The following ADAM18 variants were observed in gnomAD, a reference collection of about 807,000 sequenced individuals.
ADAM18 encodes the protein ADAM metallopeptidase domain 18, also known as disintegrin and metalloproteinase domain-containing protein 18.
Under a neutral mutation model 94.4 loss-of-function variants are expected in ADAM18, and 117 were observed. That is an observed-to-expected ratio of 1.24 (90% CI 1.07 to 1.45). The LOEUF (loss-of-function observed/expected upper bound fraction) is 1.45. Among genes scored for constraint, ADAM18 ranks in the 40% most tolerant of loss-of-function variants. ADAM18 has a pLI of 0.00. For missense variants in ADAM18, 936 were observed against 880.0 expected, an observed-to-expected ratio of 1.06 and a Z score of -0.81; for synonymous variants, 327 against 291.6, an observed-to-expected ratio of 1.12 and a Z score of -1.24.
chr8:39,701,094 G>A (rs1822059801), intron 17 of ADAM18, among the ~76,000 whole-genome samples: 1 of 97,948 alleles, frequency 1.0e-5, no homozygotes, highest in African/African-American at 3.6e-5. Flanking sequence ...CTCCAGCCTG[G>A]GCGACAGAGC....
At chr8:39,633,859 G>C (rs566788190) in intron 7 of ADAM18, among the ~76,000 whole-genome samples, 1 of 151,210 alleles carries the variant, frequency 6.6e-6, no homozygotes, top group African/African-American at 2.4e-5. Context: ...GGGATGGGGG[G>C]TTGGGGGAAG....
chr8:39,672,565 C>T (rs933855561), intron 14 of ADAM18, among the ~76,000 whole-genome samples: 2 of 152,106 alleles, frequency 1.3e-5, no homozygotes, highest in East Asian at 3.9e-4. Context: ...AAATAGATGA[C>T]CAGGAGACTG....
intron 15 of ADAM18, among the ~76,000 whole-genome samples, chr8:39,678,114 G>GA (rs1230038922): frequency 6.6e-6 from 1 of 151,924 alleles, no homozygotes; most frequent in East Asian, 1.9e-4. Context: ...TAATTTCATT[G>GA]AAAATTAAAG....
chr8:39,594,986 A>G (rs115781326), intron 2 of ADAM18, among the ~76,000 whole-genome samples: 2,267 of 151,576 alleles, frequency 0.015, 23 homozygotes, highest in Middle Eastern at 0.041. Context: ...TTTTTGTTAT[A>G]GTACCCTAGG....
intron 6 of ADAM18, among the ~76,000 whole-genome samples, chr8:39,621,255 C>T (rs1459559825): frequency 6.6e-6 from 1 of 151,182 alleles, no homozygotes; most frequent in Admixed American, 6.6e-5. Flanking sequence ...CTATTACATA[C>T]TTAATAGAGC....
chr8:39,670,623 A>C (rs1326860599), intron 14 of ADAM18, among the ~76,000 whole-genome samples: 1 of 152,262 alleles, frequency 6.6e-6, no homozygotes, highest in Non-Finnish European at 1.5e-5. Flanking sequence ...GGACATTGCC[A>C]TATGATTATT....
intron 17 of ADAM18, among the ~76,000 whole-genome samples, chr8:39,699,970 A>G (rs1192125915): frequency 6.6e-6 from 1 of 152,206 alleles, no homozygotes; most frequent in Non-Finnish European, 1.5e-5. Flanking sequence ...CACAAAGATT[A>G]CAGAGAAATG....
intron 7 of ADAM18, among the ~76,000 whole-genome samples, chr8:39,631,041 A>C (rs1225938401): frequency 6.6e-6 from 1 of 151,904 alleles, no homozygotes; most frequent in Non-Finnish European, 1.5e-5. Flanking sequence ...TAAATGTATA[A>C]GTTTTTACCC....
chr8:39,706,692 A>G, intron 17 of ADAM18, 98 bp from the exon 18 acceptor site: 1 of 547,736 alleles, frequency 1.8e-6, no homozygotes, highest in South Asian at 3.5e-5. Context: ...AAAAATAATT[A>G]TTCTATGAAA....
At chr8:39,610,387 A>C (rs1453845964) in intron 5 of ADAM18, 142 bp from the exon 6 acceptor site, 1 of 1,148,104 alleles carries the variant, frequency 8.7e-7, no homozygotes, top group African/African-American at 1.6e-5. Flanking sequence ...GCCCCCCCAA[A>C]AAATAATGGA....
intron 12 of ADAM18, among the ~76,000 whole-genome samples, chr8:39,649,228 A>T (rs943386474): frequency 3.0e-4 from 46 of 152,110 alleles, no homozygotes; most frequent in African/African-American, 1.1e-3. Context: ...TTAACATACC[A>T]TTAAATTCTC....
intron 18 of ADAM18, among the ~76,000 whole-genome samples, chr8:39,710,630 T>A (rs1229487496): frequency 1.3e-5 from 2 of 152,264 alleles, no homozygotes; most frequent in Admixed American, 1.3e-4. Context: ...GTAGTTCAAC[T>A]AGGATGAAGC....
At chr8:39,665,961 T>C (rs532692708) in intron 13 of ADAM18, among the ~76,000 whole-genome samples, 7 of 152,308 alleles carry the variant, frequency 4.6e-5, no homozygotes, top group African/African-American at 1.7e-4. Flanking sequence ...CTGTTTACTA[T>C]CATATTTCTT....
At chr8:39,702,112 A>G (rs1408420448) in intron 17 of ADAM18, among the ~76,000 whole-genome samples, 1 of 152,218 alleles carries the variant, frequency 6.6e-6, no homozygotes, top group Non-Finnish European at 1.5e-5. Context: ...CCAACAGTGT[A>G]TAAGTATTCC....
rs574557373 is a variant in ADAM18 at position 39,651,936 on chromosome 8, T to G, written c.1230+3409T>G. 5.4e-5 allele frequency among the ~76,000 whole-genome samples: 8 copies of G among 149,038 alleles called. No homozygotes were observed. The East Asian group carries it at 1.4e-3, about 25-fold the overall frequency. On this transcript the variant is annotated intron_variant, in intron 12 of 19. Coordinates refer to ENST00000265707, the MANE Select transcript of ADAM18 (RefSeq NM_014237.3). ...ATGAAACAAAGAGCCCAAAAATAAA[T>G]GGACACATTTATAGTCAATTGATTT...
intron 18 of ADAM18, among the ~76,000 whole-genome samples, chr8:39,716,836 C>T (rs1032455051): frequency 4.6e-5 from 7 of 151,810 alleles, no homozygotes; most frequent in African/African-American, 9.6e-5. Context: ...TCTATTTCTC[C>T]GTTTAGTTCA....
chr8:39,728,146 C>T (rs1822973329), intron 19 of ADAM18, among the ~76,000 whole-genome samples: 1 of 152,062 alleles, frequency 6.6e-6, no homozygotes, highest in Non-Finnish European at 1.5e-5. Flanking sequence ...CAGGACAGCA[C>T]CAAACCATGG....
At chr8:39,722,497 G>A (rs1822789114) in intron 18 of ADAM18, among the ~76,000 whole-genome samples, 1 of 150,748 alleles carries the variant, frequency 6.6e-6, no homozygotes, top group Non-Finnish European at 1.5e-5. Context: ...CATTCACAGT[G>A]GAATAATAGA....
intron 17 of ADAM18, among the ~76,000 whole-genome samples, chr8:39,703,253 G>GACTTCAT (rs1300702689): frequency 2.6e-5 from 4 of 152,122 alleles, no homozygotes; most frequent in African/African-American, 9.7e-5. Flanking sequence ...TTGTGAATGG[G>GACTTCAT]ACTTCATTAG....
Sources: allele counts gnomAD v4.1 joint callset (sites outside exome capture counted in the v4.1 genomes callset), GRCh38; gene constraint gnomAD v4.1.1; transcripts MANE v1.5; gene names NCBI Gene and HGNC (gene_info 2026-07-23, HGNC 2026-07-21).